ABL1: variants seen among roughly 807,000 people sequenced by gnomAD.
The protein encoded by ABL1 is tyrosine-protein kinase ABL1.
Under a neutral mutation model 94.7 loss-of-function variants are expected in ABL1, and 11 were observed. The observed-to-expected ratio is 0.12, with a 90% confidence interval of 0.07 to 0.19. The LOEUF (loss-of-function observed/expected upper bound fraction) is 0.19. Ranked by LOEUF, ABL1 falls within the 10% of genes least tolerant of loss-of-function variation. ABL1 has a pLI of 1.00. For synonymous variants in ABL1, 656 were observed against 622.4 expected, an observed-to-expected ratio of 1.05 and a Z score of -0.80; for missense variants, 1,082 against 1,489.4, an observed-to-expected ratio of 0.73 and a Z score of 4.50.
intron 1 of ABL1, among the ~76,000 whole-genome samples, chr9:130,770,798 A>G (rs1054825347): frequency 1.3e-5 from 2 of 152,214 alleles, no homozygotes; most frequent in African/African-American, 4.8e-5. Flanking sequence ...ATGTGGGACA[A>G]TATAAATAGG....
chr9:130,714,412 A>ATCG, exon 1 of ABL1: 1 of 1,614,164 alleles, frequency 6.2e-7, no homozygotes, highest in African/African-American at 1.3e-5. Context: ...AGAAGGAATC[A>ATCG]TCGAGGCATG....
rs750196179 is a variant in ABL1, at chr9:130,885,573, C to T, written c.3283C>T (p.Arg1095Trp). 4.3e-6 allele frequency: 7 copies of T among 1,613,980 alleles called. No homozygotes were observed. The highest frequency in any genetic ancestry group is 1.7e-5 in the Admixed American group (1 of 60,034). The change falls in exon 11 of 11, where the codon CGG (arginine) becomes TGG (tryptophan). Residue 1095 changes from arginine to tryptophan, a missense_variant. Coordinates refer to ENST00000318560, the MANE Select transcript of ABL1 (RefSeq NM_005157.6). ...CATCAACAAACTGGAGAATAATCTC[C>T]GGGAGCTTCAGATCTGCCCGGCGAC... ...EAINKLENNL[R>W]ELQICPATAG...
intron 4 of ABL1, among the ~76,000 whole-genome samples, chr9:130,871,798 G>A (rs1340689110): frequency 6.6e-6 from 1 of 152,232 alleles, no homozygotes; most frequent in African/African-American, 2.4e-5. Context: ...TGCCCGTATA[G>A]CTCTCCCACA....
chr9:130,870,703 C>T (rs1831237719), intron 4 of ABL1, among the ~76,000 whole-genome samples: 1 of 152,184 alleles, frequency 6.6e-6, no homozygotes, highest in African/African-American at 2.4e-5. Context: ...CTTTCCCCCT[C>T]GGACAGCTTG....
At chr9:130,812,361 TA>T (rs755179481) in intron 1 of ABL1, among the ~76,000 whole-genome samples, 236 of 144,568 alleles carry the variant, frequency 1.6e-3, no homozygotes, top group African/African-American at 3.7e-3. Context: ...GATTCCATCT[TA>T]AAAAAAAAAA....
At chr9:130,752,163 A>C (rs1057107195) in intron 1 of ABL1, among the ~76,000 whole-genome samples, 9 of 152,334 alleles carry the variant, frequency 5.9e-5, no homozygotes, top group Non-Finnish European at 7.4e-5. Flanking sequence ...GACAGAGGCT[A>C]AGCACCATTA....
At chr9:130,761,569 C>A (rs545258964) in intron 1 of ABL1, among the ~76,000 whole-genome samples, 1 of 152,212 alleles carries the variant, frequency 6.6e-6, no homozygotes, top group Non-Finnish European at 1.5e-5. Flanking sequence ...TATTAGGCAT[C>A]GAAAGCTGTT....
chr9:130,725,209 ACT>A (rs1317566297), intron 1 of ABL1, among the ~76,000 whole-genome samples: 3 of 151,142 alleles, frequency 2.0e-5, no homozygotes, highest in Non-Finnish European at 4.4e-5. Flanking sequence ...CTAAGTAGAA[ACT>A]CTGTACCCAT....
At chr9:130,845,295 A>C (rs1016014328) in intron 1 of ABL1, among the ~76,000 whole-genome samples, 2 of 152,154 alleles carry the variant, frequency 1.3e-5, no homozygotes, top group African/African-American at 4.8e-5. Flanking sequence ...TTAAGAAACA[A>C]AATTCTCCAT....
chr9:130,837,423 T>G (rs939017825), intron 1 of ABL1, among the ~76,000 whole-genome samples: 2 of 152,200 alleles, frequency 1.3e-5, no homozygotes, highest in African/African-American at 2.4e-5. Context: ...GTCATTGTTT[T>G]GTTTTCCTGG....
At chr9:130,817,345 T>G (rs543520921) in intron 1 of ABL1, among the ~76,000 whole-genome samples, 1 of 152,264 alleles carries the variant, frequency 6.6e-6, no homozygotes, top group African/African-American at 2.4e-5. Context: ...ATATTTGCCC[T>G]GGCATGCTTA....
chr9:130,727,762 C>T, intron 1 of ABL1, among the ~76,000 whole-genome samples: 1 of 135,810 alleles, frequency 7.4e-6, no homozygotes, highest in Non-Finnish European at 1.5e-5. Flanking sequence ...CCCCCCCCCC[C>T]CAAAAAAAAG....
intron 3 of ABL1, among the ~76,000 whole-genome samples, chr9:130,857,294 A>G (rs532792090): frequency 5.3e-5 from 8 of 152,182 alleles, no homozygotes; most frequent in Non-Finnish European, 1.0e-4. Flanking sequence ...GTTCTCCCAC[A>G]AACAATCCAT....
At chr9:130,812,130 G>A (rs946878443) in intron 1 of ABL1, among the ~76,000 whole-genome samples, 14 of 149,298 alleles carry the variant, frequency 9.4e-5, no homozygotes, top group Non-Finnish European at 7.4e-5. Context: ...TTTGGGAGGT[G>A]GATTAGGAGG....
chr9:130,805,272 G>T (rs998615031), intron 1 of ABL1, among the ~76,000 whole-genome samples: 1 of 152,126 alleles, frequency 6.6e-6, no homozygotes, highest in East Asian at 1.9e-4. Context: ...TAGAGACGGG[G>T]TTTCACAATA....
intron 1 of ABL1, chr9:130,724,636 C>G: frequency 7.9e-6 from 2 of 254,484 alleles, no homozygotes; most frequent in South Asian, 8.0e-5. Context: ...ATGGTGAAAA[C>G]CCATCTTTAC....
At chr9:130,798,939 C>G (rs948048958) in intron 1 of ABL1, among the ~76,000 whole-genome samples, 2 of 138,824 alleles carry the variant, frequency 1.4e-5, no homozygotes, top group Non-Finnish European at 3.0e-5. Context: ...CCACTGCACT[C>G]CAGCCTGGGT....
At position 130,875,172 on chromosome 9, in the gene ABL1, C is replaced by T. The variant is rs1831319623; in HGVS notation, c.1270+120C>T. ...TTTTTGTTTTTTTGAGACGGAGTCT[C>T]ACTCTGTCACCCAGGCTGGAGTGCA... is the stretch of plus-strand genomic sequence containing the variant. On this transcript the variant is annotated intron_variant, in intron 7 of 10. Transcript: ENST00000318560. The T allele has an allele frequency of 3.6e-6, 4 of 1,125,576 alleles. No individual in the cohort carries two copies. In the Admixed American group the frequency reaches 8.0e-5, roughly 23 times the overall value. 69.7% of individuals were successfully genotyped at this position (1,125,576 alleles called of 1,614,324 possible).
At chr9:130,847,312 C>T (rs1433117627) in intron 1 of ABL1, among the ~76,000 whole-genome samples, 2 of 151,824 alleles carry the variant, frequency 1.3e-5, no homozygotes, top group African/African-American at 4.8e-5. Context: ...AAATTTATTT[C>T]CCAAGACAAT....
Sources: gnomAD v4.1 joint callset for allele counts (sites outside exome capture counted in the v4.1 genomes callset) on GRCh38, gnomAD v4.1.1 for gene constraint, MANE v1.5 for transcripts, NCBI Gene and HGNC (gene_info 2026-07-23, HGNC 2026-07-21) for gene names.